Variants in SOX5 observed in about 807,000 individuals in gnomAD.
SOX5 encodes the protein SRY-box transcription factor 5.
SOX5 carries 9 observed loss-of-function variants against 92.0 expected under a neutral mutation model. That is an observed-to-expected ratio of 0.10 (90% CI 0.06 to 0.17). SOX5 has a LOEUF of 0.17. Ranked by LOEUF, SOX5 falls within the 10% of genes least tolerant of loss-of-function variation. SOX5 has a pLI of 1.00. For missense variants in SOX5, 642 were observed against 944.5 expected (o/e 0.68, Z 4.20); for synonymous variants, 344 against 336.3 (o/e 1.02, Z -0.25).
At chr12:24,227,731 A>G (rs982308323) in intron 3 of SOX5, 2 of 152,216 alleles carry the variant, frequency 1.3e-5, no homozygotes, top group African/African-American at 4.8e-5. Context: ...GAAGCACCTC[A>G]TTTAAAGTGA....
At chr12:24,022,025 G>A (rs1954350517) in intron 4 of SOX5, among the ~76,000 whole-genome samples, 1 of 152,108 alleles carries the variant, frequency 6.6e-6, no homozygotes, top group Admixed American at 6.6e-5. Context: ...TGCCTACTAT[G>A]TGTCGGGCAC....
At chr12:24,538,442 C>T (rs1317124099) in intron 1 of SOX5, among the ~76,000 whole-genome samples, 2 of 152,124 alleles carry the variant, frequency 1.3e-5, no homozygotes, top group Non-Finnish European at 2.9e-5. Flanking sequence ...TTTCCAGACA[C>T]TTAAGACGTT....
chr12:23,689,094 G>A (rs554736026), intron 6 of SOX5, among the ~76,000 whole-genome samples: 4 of 152,020 alleles, frequency 2.6e-5, no homozygotes, highest in African/African-American at 4.8e-5. Flanking sequence ...CATATCTAAC[G>A]GTCACTACTA....
At position 23,606,266 on chromosome 12, in the gene SOX5, TA is replaced by T. The variant is rs529820071; in HGVS notation, c.1018-1734del. ...AGAATGCATGTACTAATATTGAATT[TA>T]AAAACTATATGTATATTCACAAGTT... On this transcript the variant is annotated intron_variant, in intron 8 of 14. Transcript: ENST00000451604. 2.6e-3 allele frequency among the ~76,000 whole-genome samples: 397 copies of T among 152,024 alleles called. 5 individuals carry two copies. The highest frequency in any genetic ancestry group is 4.8e-3 in the Non-Finnish European group (323 of 67,866).
At chr12:24,233,411 G>A (rs1044426950) in intron 3 of SOX5, among the ~76,000 whole-genome samples, 2 of 152,042 alleles carry the variant, frequency 1.3e-5, no homozygotes, top group African/African-American at 4.8e-5. Context: ...CAGAAACACA[G>A]AAACCATAGC....
intron 8 of SOX5, among the ~76,000 whole-genome samples, chr12:23,611,451 G>T (rs2075950156): frequency 6.6e-6 from 1 of 151,188 alleles, no homozygotes; most frequent in Non-Finnish European, 1.5e-5. Context: ...TGGACAATAA[G>T]GTTGATTCCA....
intron 4 of SOX5, among the ~76,000 whole-genome samples, chr12:24,201,291 G>C (rs1160223604): frequency 6.6e-6 from 1 of 151,902 alleles, no homozygotes; most frequent in Non-Finnish European, 1.5e-5. Flanking sequence ...TTATGTTTTA[G>C]GTCACAGACT....
At chr12:24,509,810 G>T (rs1285224261) in intron 1 of SOX5, among the ~76,000 whole-genome samples, 2 of 152,112 alleles carry the variant, frequency 1.3e-5, no homozygotes, top group Non-Finnish European at 2.9e-5. Flanking sequence ...CAGCGAATCG[G>T]TTGCTTACTT....
At chr12:23,666,595 G>A (rs2083850932) in intron 6 of SOX5, among the ~76,000 whole-genome samples, 1 of 152,074 alleles carries the variant, frequency 6.6e-6, no homozygotes, top group Non-Finnish European at 1.5e-5. Flanking sequence ...ATGGTAATTT[G>A]GGATCATGTT....
chr12:23,838,022 T>C (rs894423342), intron 3 of SOX5, among the ~76,000 whole-genome samples: 1 of 126,128 alleles, frequency 7.9e-6, no homozygotes, highest in Non-Finnish European at 1.6e-5. Flanking sequence ...ATATAATATA[T>C]ATACATTTAT....
chr12:23,894,467 T>C (rs2097158404), intron 2 of SOX5, among the ~76,000 whole-genome samples: 2 of 152,242 alleles, frequency 1.3e-5, no homozygotes, highest in South Asian at 4.2e-4. Context: ...CCTCAAGTGA[T>C]CTACTCACCT....
chr12:23,984,031 G>T (rs1444568956), intron 4 of SOX5, among the ~76,000 whole-genome samples: 1 of 152,080 alleles, frequency 6.6e-6, no homozygotes, highest in African/African-American at 2.4e-5. Flanking sequence ...TACAGGTTCA[G>T]AGTAAAGAAG....
intron 3 of SOX5, among the ~76,000 whole-genome samples, chr12:23,812,907 T>C (rs778078578): frequency 6.6e-6 from 1 of 152,182 alleles, no homozygotes; most frequent in Non-Finnish European, 1.5e-5. Flanking sequence ...GACAGTAACA[T>C]TCAAGTGGCA....
At chr12:24,028,572 C>A (rs1265440501) in intron 4 of SOX5, among the ~76,000 whole-genome samples, 1 of 151,958 alleles carries the variant, frequency 6.6e-6, no homozygotes, top group Non-Finnish European at 1.5e-5. Flanking sequence ...AATCAAATAA[C>A]AGACTCTAAG....
At chr12:24,469,226 T>C (rs4963762) in intron 1 of SOX5, among the ~76,000 whole-genome samples, 93,926 of 151,824 alleles carry the variant, frequency 0.62, 29,798 homozygotes, top group East Asian at 0.98. Context: ...CTATGAGACT[T>C]TAACGTCACA....
At chr12:24,406,266 T>C (rs896166849) in intron 1 of SOX5, among the ~76,000 whole-genome samples, 2 of 152,014 alleles carry the variant, frequency 1.3e-5, no homozygotes, top group African/African-American at 4.8e-5. Flanking sequence ...TGAAACCAGG[T>C]GCTGAGTGGG....
intron 1 of SOX5, among the ~76,000 whole-genome samples, chr12:24,465,645 A>T (rs1944145410): frequency 6.6e-6 from 1 of 152,206 alleles, no homozygotes; most frequent in South Asian, 2.1e-4. Flanking sequence ...TTTTCATCAC[A>T]TCTGTATGAC....
At chr12:23,990,456 A>G (rs1254649332) in intron 4 of SOX5, among the ~76,000 whole-genome samples, 1 of 152,154 alleles carries the variant, frequency 6.6e-6, no homozygotes, top group Non-Finnish European at 1.5e-5. Flanking sequence ...GTCCTTCCCT[A>G]CAAACACTAG....
At chr12:23,652,475 A>G (rs190037276) in intron 7 of SOX5, among the ~76,000 whole-genome samples, 60 of 149,182 alleles carry the variant, frequency 4.0e-4, no homozygotes, top group South Asian at 2.1e-3. Context: ...ATACAAACTA[A>G]TATTTTCCAA....
Sources: gnomAD v4.1 joint callset for allele counts (sites outside exome capture counted in the v4.1 genomes callset) on GRCh38, gnomAD v4.1.1 for gene constraint, MANE v1.5 for transcripts, NCBI Gene and HGNC (gene_info 2026-07-23, HGNC 2026-07-21) for gene names.